COL13A1: variants seen among roughly 807,000 people sequenced by gnomAD.
COL13A1 encodes the protein collagen alpha-1(XIII) chain.
A neutral mutation model predicts 130.9 loss-of-function variants in COL13A1; 89 were observed. That is an observed-to-expected ratio of 0.68 (90% CI 0.57 to 0.81). The LOEUF is 0.81. Among genes scored for constraint, COL13A1 ranks in the 30% least tolerant of loss-of-function variants. COL13A1 has a pLI of 0.00. For missense variants in COL13A1, 879 were observed against 934.6 expected, an observed-to-expected ratio of 0.94 and a Z score of 0.78; for synonymous variants, 402 against 341.6, an observed-to-expected ratio of 1.18 and a Z score of -1.95.
At chr10:69,849,141 C>T (rs1474159574) in intron 2 of COL13A1, among the ~76,000 whole-genome samples, 4 of 152,244 alleles carry the variant, frequency 2.6e-5, no homozygotes, top group African/African-American at 9.6e-5. Flanking sequence ...TTCAAAGGTT[C>T]TGATATCACA....
intron 7 of COL13A1, among the ~76,000 whole-genome samples, 190 bp from the exon 8 acceptor site, chr10:69,887,266 G>A (rs1433040532): frequency 6.6e-6 from 1 of 152,082 alleles, no homozygotes; most frequent in Non-Finnish European, 1.5e-5. Context: ...AGCCCCTGCA[G>A]GAGATTTCCT....
At chr10:69,877,129 G>A (rs2059645010) in intron 5 of COL13A1, among the ~76,000 whole-genome samples, 1 of 152,238 alleles carries the variant, frequency 6.6e-6, no homozygotes, top group South Asian at 2.1e-4. Flanking sequence ...CCATTTGGCT[G>A]CCCATTAGGG....
intron 13 of COL13A1, chr10:69,897,678 A>G: frequency 2.1e-6 from 2 of 934,526 alleles, no homozygotes; most frequent in Non-Finnish European, 1.6e-6. Flanking sequence ...AGCAGCTGTG[A>G]CCTGGAAAGG....
chr10:69,802,781 CTG>C, intron 1 of COL13A1, 64 bp downstream of exon 1: 2 of 1,590,422 alleles, frequency 1.3e-6, no homozygotes, highest in Non-Finnish European at 1.7e-6. Flanking sequence ...AGCCTCCAGA[CTG>C]TTCAGCCGGT....
At chr10:69,815,075 G>A (rs1844102149) in intron 1 of COL13A1, among the ~76,000 whole-genome samples, 1 of 152,298 alleles carries the variant, frequency 6.6e-6, no homozygotes, top group East Asian at 1.9e-4. Context: ...CAGGAAGCTG[G>A]CAGGGGGTGG....
In COL13A1 at chr10:69,878,060, GAGA is replaced by G. The variant is rs1554924835; in HGVS notation, c.460_462del (p.Lys154del). ...CCAGGGAGTAAAGGGCCAACCAGGC[GAGA>G]AGGTGAGTCCACACTTTCCCCTTCT... On this transcript the variant is annotated inframe_deletion and splice_region_variant, in exon 6 of 41. Coordinates refer to ENST00000645393, the MANE Select transcript of COL13A1 (RefSeq NM_001368882.1). The G allele has an allele frequency of 5.7e-6, 4 of 702,804 alleles. No individual in the cohort carries two copies. The highest frequency in any genetic ancestry group is 1.0e-5 in the Non-Finnish European group (4 of 385,004). 43.5% of individuals were successfully genotyped at this position (702,804 alleles called of 1,614,324 possible).
chr10:69,806,132 A>G (rs539311946), intron 1 of COL13A1, among the ~76,000 whole-genome samples: 2 of 152,378 alleles, frequency 1.3e-5, no homozygotes, highest in South Asian at 4.1e-4. Flanking sequence ...GGCCATGCAC[A>G]AGACCAGATG....
intron 18 of COL13A1, 137 bp from the exon 19 acceptor site, chr10:69,918,148 T>G: frequency 1.6e-6 from 1 of 642,680 alleles, no homozygotes; most frequent in Non-Finnish European, 2.6e-6. Flanking sequence ...CCAGGTGGGG[T>G]TGGTGGTTGC....
At chr10:69,802,849 G>A in intron 1 of COL13A1, 132 bp downstream of exon 1, 1 of 1,201,276 alleles carries the variant, frequency 8.3e-7, no homozygotes, top group Non-Finnish European at 1.2e-6. Flanking sequence ...GCCTGCGGGA[G>A]GGGTCGGGGA....
chr10:69,930,990 C>T (rs1291724106), intron 30 of COL13A1, among the ~76,000 whole-genome samples: 1 of 152,192 alleles, frequency 6.6e-6, no homozygotes, highest in African/African-American at 2.4e-5. Context: ...AGGCTGCTAA[C>T]TTGACTTAGG....
At chr10:69,824,373 T>C (rs1324215788) in intron 2 of COL13A1, among the ~76,000 whole-genome samples, 4 of 152,196 alleles carry the variant, frequency 2.6e-5, no homozygotes, top group Admixed American at 6.5e-5. Context: ...CCCTGCCTTA[T>C]TGGGGAAAGC....
intron 31 of COL13A1, among the ~76,000 whole-genome samples, chr10:69,935,113 AT>A (rs1413759635): frequency 1.3e-5 from 2 of 151,570 alleles, no homozygotes; most frequent in Non-Finnish European, 2.9e-5. Flanking sequence ...GGAAGAATAG[AT>A]CTTTAGGGAC....
Position 69,898,737 on chromosome 10 carries a change from C to G in COL13A1, c.725C>G (p.Pro242Arg). 1 of 1,613,382 alleles carries G rather than the reference C, an allele frequency of 6.2e-7. No homozygotes were observed. Among genetic ancestry groups the G allele is most frequent in the Non-Finnish European group, 8.5e-7 (1 of 1,179,610 alleles). The change falls in exon 14 of 41, where the codon CCG (proline) becomes CGG (arginine). Residue 242 changes from proline to arginine, a missense_variant. By Grantham distance (103) the Pro-to-Arg change is moderately radical. Around this residue, in one of 3 missense-constraint regions of COL13A1, gnomAD observed 715 missense variants for 721.0 expected, o/e 0.99. Transcript: ENST00000645393. ...LLNSVRLAPP[P>R]VIKRRTFQGE... The stretch of plus-strand genomic sequence containing the variant: ...AATTCAGTGCGACTGGCTCCACCCC[C>G]GGTCATAAAAAGGCGGACGTTCCAG...
chr10:69,886,463 C>T (rs751177143), intron 7 of COL13A1, among the ~76,000 whole-genome samples: 1 of 152,130 alleles, frequency 6.6e-6, no homozygotes, highest in Non-Finnish European at 1.5e-5. Context: ...CCAAAGGAGA[C>T]CCCAGGCTGA....
At position 69,833,418 on chromosome 10, in the gene COL13A1, A is replaced by G. The variant is rs113384556; in HGVS notation, c.364+10980A>G. Reference sequence around the variant, plus strand: ...TAGGGCTCCAGGATGAACATGAACTACATCAACAAGCAGCCTGGGTCCACC... The same window carrying G: ...TAGGGCTCCAGGATGAACATGAACTGCATCAACAAGCAGCCTGGGTCCACC... On this transcript the variant is annotated intron_variant, in intron 2 of 40. Transcript: ENST00000645393. Among the ~76,000 whole-genome samples, 267 of 152,322 alleles carry G rather than the reference A, an allele frequency of 1.8e-3. 3 individuals are homozygous for G. Among genetic ancestry groups the G allele is most frequent in the African/African-American group, 5.4e-3 (223 of 41,578 alleles).
rs143995618 is a variant in COL13A1 at position 69,863,586 on chromosome 10, T to C, written c.365-4212T>C. ...GATGCCCCCTGTCCAGGACCAGGAC[T>C]GGATCCAGCGACTGGGTGGCACCAA... On this transcript the variant is annotated intron_variant, in intron 2 of 40. Transcript: ENST00000645393. 4.8e-3 allele frequency among the ~76,000 whole-genome samples: 729 copies of C among 152,230 alleles called. 7 individuals carry two copies. The highest frequency in any genetic ancestry group is 0.016 in the African/African-American group (681 of 41,544).
intron 2 of COL13A1, among the ~76,000 whole-genome samples, chr10:69,859,526 G>A (rs1203765328): frequency 6.6e-6 from 1 of 152,352 alleles, no homozygotes; most frequent in Admixed American, 6.5e-5. Flanking sequence ...GCTTCCCCAG[G>A]CAGGGCCTTG....
chr10:69,923,295 A>G (rs1448754600), intron 23 of COL13A1, among the ~76,000 whole-genome samples: 3 of 152,198 alleles, frequency 2.0e-5, no homozygotes, highest in Non-Finnish European at 4.4e-5. Flanking sequence ...GGCAGCTGCA[A>G]ATGGAAACTG....
intron 14 of COL13A1, among the ~76,000 whole-genome samples, chr10:69,902,193 C>T (rs948762388): frequency 6.6e-6 from 1 of 152,196 alleles, no homozygotes; most frequent in Admixed American, 6.5e-5. Flanking sequence ...AAGTCTCTTG[C>T]TCAGTTGTTT....
Sources: gnomAD v4.1 joint callset for allele counts (sites outside exome capture counted in the v4.1 genomes callset) on GRCh38, gnomAD v4.1.1 for gene constraint, gnomAD v4.1.1 regional missense constraint, MANE v1.5 for transcripts, NCBI Gene and HGNC (gene_info 2026-07-23, HGNC 2026-07-21) for gene names.